Variants in AOC1 observed in about 807,000 individuals in gnomAD.
AOC1 encodes the protein diamine oxidase [copper-containing].
Under a neutral mutation model 57.1 loss-of-function variants are expected in AOC1, and 58 were observed. The observed-to-expected ratio is 1.02, with a 90% CI of 0.82 to 1.26. The LOEUF (loss-of-function observed/expected upper bound fraction) is 1.26. Among genes scored for constraint, AOC1 ranks in the 50% most tolerant of loss-of-function variants. AOC1 has a pLI of 0.00. For synonymous variants in AOC1, 401 were observed against 423.4 expected, an observed-to-expected ratio of 0.95 and a Z score of 0.65; for missense variants, 917 against 1,005.3, an observed-to-expected ratio of 0.91 and a Z score of 1.19.
At position 150,860,929 on chromosome 7, in the gene AOC1, CCT is replaced by C. The variant is rs1362780320; in HGVS notation, c.1990-13_1990-12del. On this transcript the variant is annotated splice_polypyrimidine_tract_variant and intron_variant, in intron 4 of 4. Coordinates refer to ENST00000360937, the MANE Select transcript of AOC1 (RefSeq NM_001091.4). The stretch of plus-strand genomic sequence containing the variant: ...CTCAGCCCTGCCCACTGAAGCCCAC[CCT>C]GTCTCCTGCAGGACCTGGTGGCCTG... 1.3e-5 allele frequency: 21 copies of C among 1,606,688 alleles called. 1 individual carries two copies. The highest frequency in any genetic ancestry group is 1.6e-5 in the Non-Finnish European group (19 of 1,177,390).
intron 4 of AOC1, 71 bp downstream of exon 4, chr7:150,860,704 A>T (rs1799944264): frequency 6.4e-7 from 1 of 1,553,064 alleles, no homozygotes; most frequent in Non-Finnish European, 8.8e-7. Context: ...GACCATCCTC[A>T]TCACCATCAG....
At chr7:150,860,295 T>G in intron 3 of AOC1, 7 of 662,934 alleles carry the variant, frequency 1.1e-5, no homozygotes, top group South Asian at 2.0e-5. Context: ...CTCTGTGCAT[T>G]TGGGGAGGGG....
At position 150,856,719 on chromosome 7, in the gene AOC1, G is replaced by A. The variant is rs1421481469; in HGVS notation, c.249G>A (p.Leu83=). 2 of 1,614,154 alleles carry A rather than the reference G, an allele frequency of 1.2e-6. No individual in the cohort carries two copies. Among genetic ancestry groups the A allele is most frequent in the Non-Finnish European group, 1.7e-6 (2 of 1,179,992 alleles). ...EMLLPKKYHV[L]RFLDKGERHP... is the part of the protein sequence containing the mutation. ...TGCTGCCCAAGAAGTACCATGTGCT[G>A]AGGTTTCTGGATAAAGGTGAAAGGC... Residue 83 remains leucine (L), a synonymous_variant, in exon 2 of 5, where the codon CTG becomes CTA. Transcript: ENST00000360937. The surrounding 1 kb of genome is among the most constrained non-coding windows in gnomAD (Gnocchi z 5.2).
At position 150,857,999 on chromosome 7, in the gene AOC1, ACACT is replaced by A. The variant is rs1799845987; in HGVS notation, c.1534_1537del (p.His512TrpfsTer6). 6.4e-7 allele frequency: 1 copy of A among 1,569,778 alleles called. No individual in the cohort carries two copies. Among genetic ancestry groups the A allele is most frequent in the African/African-American group, 1.3e-5 (1 of 74,250 alleles). On this transcript the variant is annotated frameshift_variant, in exon 2 of 5. Transcript: ENST00000360937. LOFTEE classifies it high-confidence loss of function. The surrounding 1 kb of genome is among the most constrained non-coding windows in gnomAD (Gnocchi z 6.6). The stretch of plus-strand genomic sequence containing the variant: ...CACACCCACCTGATTGGCAACATAC[ACACT>A]CACTTGGTGCACTACCGCGTAGACC...
rs767922751 is a variant in AOC1, at chr7:150,858,887, G to A, written c.1695G>A (p.Ala565=). The A allele has an allele frequency of 4.2e-5, 67 of 1,613,680 alleles. No individual in the cohort carries two copies. Among genetic ancestry groups the A allele is most frequent in the Admixed American group, 2.0e-4 (12 of 59,980 alleles). ...EQTQYSWERQ[A]AFRFKRKLPK... ...CGCAGTACTCCTGGGAGCGCCAGGC[G>A]GCCTTCCGCTTCAAAAGGAAGCTGC... is the stretch of plus-strand genomic sequence containing the variant. The change falls in exon 3 of 5, where the codon GCG becomes GCA. Residue 565 remains alanine, a synonymous_variant. Transcript: ENST00000360937.
rs766895906 is a variant in AOC1 at position 150,857,460 on chromosome 7, C to T, written c.990C>T (p.Ser330=). The change falls in exon 2 of 5, where the codon TCC becomes TCT. Residue 330 remains serine (S), a synonymous_variant. Transcript: ENST00000360937. The surrounding 1 kb of genome is among the most constrained non-coding windows in gnomAD (Gnocchi z 6.6). ...GGAGCTTTGCCTTCCGGCTGCGCTC[C>T]TCCTCCGGGCTGCAGGTCCTGAACG... ...GGWSFAFRLR[S]SSGLQVLNVH... The T allele has an allele frequency of 1.1e-5, 17 of 1,612,396 alleles. No homozygotes were observed. The highest frequency in any genetic ancestry group is 1.4e-5 in the Non-Finnish European group (16 of 1,179,696).
Position 150,852,786 on chromosome 7 carries a change from A to C in AOC1, c.-17+228A>C, listed in dbSNP as rs1799659631. ...GGAAAGCTCAGAGAGGAGGGTGAGC[A>C]GGGAGAGGGCTTGCTTCCTGTTCCT... On this transcript the variant is annotated intron_variant, in intron 1 of 4. Transcript: ENST00000360937. The surrounding 1 kb of genome is among the most constrained non-coding windows in gnomAD (Gnocchi z 4.6). Among the ~76,000 whole-genome samples, 1 of 152,136 alleles carries C rather than the reference A, an allele frequency of 6.6e-6. No individual in the cohort carries two copies. The highest frequency in any genetic ancestry group is 1.5e-5 in the Non-Finnish European group (1 of 67,998).
Position 150,860,524 on chromosome 7 carries a change from A to G in AOC1, c.1880A>G (p.Tyr627Cys), listed in dbSNP as rs758700017. The G allele has an allele frequency of 2.2e-5, 36 of 1,613,874 alleles. No individual in the cohort carries two copies. In the South Asian group the frequency reaches 3.6e-4, roughly 16 times the overall value. The change falls in exon 4 of 5, where the codon TAC (tyrosine) becomes TGC (cysteine). Residue 627 changes from tyrosine to cysteine, a missense_variant. Coordinates refer to ENST00000360937, the MANE Select transcript of AOC1 (RefSeq NM_001091.4). Reference sequence around the variant, plus strand: ...AGGTACCCCCTGGCAGTGACCAAGTACCGGGAGTCGGAGCTGTGCAGCAGC... The same window carrying G: ...AGGTACCCCCTGGCAGTGACCAAGTGCCGGGAGTCGGAGCTGTGCAGCAGC... Reference protein sequence around the residue: ...WARYPLAVTKYRESELCSSSI... With the variant: ...WARYPLAVTKCRESELCSSSI...
rs937780184 is a variant in AOC1, at chr7:150,855,914, G to A, written c.-16-541G>A. 1.6e-4 allele frequency among the ~76,000 whole-genome samples: 24 copies of A among 152,236 alleles called. 1 individual carries two copies. Among genetic ancestry groups the A allele is most frequent in the South Asian group, 4.1e-4 (2 of 4,826 alleles). The stretch of plus-strand genomic sequence containing the variant: ...TGAAGGCCCAGAGAGTTTAAGCAGC[G>A]TGCCCAAGGCCACACAGCAAGTCCT... On this transcript the variant is annotated intron_variant, in intron 1 of 4. Transcript: ENST00000360937.
At position 150,860,606 on chromosome 7, in the gene AOC1, T is replaced by G; in HGVS notation, c.1962T>G (p.Leu654=). 6.2e-7 allele frequency: 1 copy of G among 1,613,986 alleles called. No individual in the cohort carries two copies. The highest frequency in any genetic ancestry group is 8.5e-7 in the Non-Finnish European group (1 of 1,179,918). The change falls in exon 4 of 5, where the codon CTT becomes CTG. Residue 654 remains leucine, a synonymous_variant. Coordinates refer to ENST00000360937, the MANE Select transcript of AOC1 (RefSeq NM_001091.4). ...WHPPVVFEQF[L]HNNENIENED... ...CGCCCGTGGTCTTTGAGCAGTTTCT[T>G]CACAACAACGAGAACATTGAAAATG...
At chr7:150,858,453 A>G (rs1467692862) in intron 2 of AOC1, among the ~76,000 whole-genome samples, 1 of 152,130 alleles carries the variant, frequency 6.6e-6, no homozygotes, top group Non-Finnish European at 1.5e-5. Flanking sequence ...GGCCACCAGG[A>G]CCACACGGGC....
intron 3 of AOC1, 70 bp from the exon 4 acceptor site, chr7:150,860,431 G>C: frequency 6.2e-7 from 1 of 1,608,948 alleles, no homozygotes; most frequent in Non-Finnish European, 8.5e-7. Flanking sequence ...CCCTGAGGCT[G>C]TTCCCTGGGC....
chr7:150,857,043 T>C lies in AOC1; in HGVS notation c.573T>C (p.Gly191=), dbSNP rs1799799697. 13 of 1,613,926 alleles carry C rather than the reference T, an allele frequency of 8.1e-6. No individual in the cohort carries two copies. Among genetic ancestry groups the C allele is most frequent in the Non-Finnish European group, 1.0e-5 (12 of 1,179,990 alleles). The part of the protein sequence containing the change: ...CLAFTDVAPR[G]VASGQRRSWL... ...CCTTCACCGATGTGGCCCCCCGGGG[T>C]GTGGCTTCTGGCCAGCGCCGCAGTT... The change falls in exon 2 of 5, where the codon GGT becomes GGC. Residue 191 remains glycine (G), a synonymous_variant. Coordinates refer to ENST00000360937, the MANE Select transcript of AOC1 (RefSeq NM_001091.4). The surrounding 1 kb of genome is among the most constrained non-coding windows in gnomAD (Gnocchi z 6.6).
In AOC1 at chr7:150,858,766, C is replaced by G. The variant is rs1227590524; in HGVS notation, c.1574C>G (p.Thr525Ser). The G allele has an allele frequency of 1.3e-6, 2 of 1,594,752 alleles. No homozygotes were observed. Among genetic ancestry groups the G allele is most frequent in the East Asian group, 2.3e-5 (1 of 44,332 alleles). ...HYRVDLDVAG[T>S]KNSFQTLQMK... ...CCTTCTCCCTGCATACCTCCAGGCACCAAGAACAGCTTCCAGACACTGCAG... is the reference window on the plus strand; with the variant it reads ...CCTTCTCCCTGCATACCTCCAGGCAGCAAGAACAGCTTCCAGACACTGCAG... Residue 525 changes from threonine to serine, a missense_variant, in exon 3 of 5, where the codon ACC becomes AGC. Thr to Ser is a moderately conservative substitution (Grantham distance 58). Transcript: ENST00000360937.
chr7:150,859,115 T>C, intron 3 of AOC1, 67 bp downstream of exon 3: 1 of 1,441,846 alleles, frequency 6.9e-7, no homozygotes, highest in South Asian at 1.4e-5. Flanking sequence ...TCTGTGTCTG[T>C]CTGTGTTTGT....
chr7:150,856,791 G>C lies in AOC1; in HGVS notation c.321G>C (p.Glu107Asp). ...ARAVIFFGDQ[E>D]HPNVTEFAVG... ...CCGTCATCTTCTTTGGTGACCAGGA[G>C]CATCCCAATGTCACCGAGTTTGCTG... is the stretch of plus-strand genomic sequence containing the variant. The change falls in exon 2 of 5, where the codon GAG becomes GAC. Residue 107 changes from glutamate to aspartate, a missense_variant. Physicochemically the swap from Glu to Asp is conservative, Grantham distance 45 (BLOSUM62 2). Transcript: ENST00000360937. This position sits in a 1 kb window ranked among gnomAD's most constrained non-coding sequence, Gnocchi z 5.2. 1 of 1,614,150 alleles carries C rather than the reference G, an allele frequency of 6.2e-7. No individual in the cohort carries two copies. The highest frequency in any genetic ancestry group is 8.5e-7 in the Non-Finnish European group (1 of 1,179,986).
At position 150,860,646 on chromosome 7, in the gene AOC1, C is replaced by A; in HGVS notation, c.1989+13C>A. On this transcript the variant is annotated intron_variant, in intron 4 of 4. Coordinates refer to ENST00000360937, the MANE Select transcript of AOC1 (RefSeq NM_001091.4). Reference sequence around the variant, plus strand: ...CATTGAAAATGAGGTACTGCCCTGTCCCCAGCCCTGCCCGGTGCTGGCCCT... The same window carrying A: ...CATTGAAAATGAGGTACTGCCCTGTACCCAGCCCTGCCCGGTGCTGGCCCT... The A allele has an allele frequency of 6.2e-7, 1 of 1,612,628 alleles. No individual in the cohort carries two copies. Among genetic ancestry groups the A allele is most frequent in the South Asian group, 1.1e-5 (1 of 90,870 alleles).
In AOC1 at chr7:150,861,354, G is replaced by T; in HGVS notation, c.*145G>T. On this transcript the variant is annotated 3_prime_UTR_variant, in exon 5 of 5. Transcript: ENST00000360937. The surrounding 1 kb of genome is among the most constrained non-coding windows in gnomAD (Gnocchi z 4.5). ...GTGTGTAGGAAACACACGAACAGAC[G>T]TGCACACACACAGACGTGCACACAC... The T allele has an allele frequency of 1.1e-6, 1 of 909,738 alleles. No individual in the cohort carries two copies. Among genetic ancestry groups the T allele is most frequent in the Non-Finnish European group, 1.6e-6 (1 of 644,294 alleles). 56.4% of individuals were successfully genotyped at this position (909,738 alleles called of 1,614,324 possible). A position where few individuals can be genotyped will look rare whatever the true frequency, so the allele number is the denominator to read the frequency against.
At chr7:150,858,645 G>A (rs142511049) in intron 2 of AOC1, 118 bp from the exon 3 acceptor site, 23 of 1,139,086 alleles carry the variant, frequency 2.0e-5, no homozygotes, top group Middle Eastern at 4.8e-4. Flanking sequence ...CCAACATCCC[G>A]GTTATTCAAG....
Sources: gnomAD v4.1 joint callset for allele counts (sites outside exome capture counted in the v4.1 genomes callset) on GRCh38, gnomAD v4.1.1 for gene constraint, Gnocchi (gnomAD v3.1) non-coding constraint, MANE v1.5 for transcripts, NCBI Gene and HGNC (gene_info 2026-07-23, HGNC 2026-07-21) for gene names.